LMOD3: variants seen among roughly 807,000 people sequenced by gnomAD.
The protein encoded by LMOD3 is leiomodin 3, also known as leiomodin-3.
In LMOD3, 31 loss-of-function variants were observed where a neutral mutation model predicts 41.8. The ratio of observed to expected loss-of-function variants is 0.74; its 90% CI spans 0.56 to 1.00. The LOEUF is 1.00. Among genes scored for constraint, LMOD3 ranks in the 50% least tolerant of loss-of-function variants. The pLI is 0.00. For missense variants in LMOD3, 755 were observed against 679.5 expected (o/e 1.11, Z -1.23); for synonymous variants, 292 against 241.9 (o/e 1.21, Z -1.92).
Position 69,108,988 on chromosome 3 carries a change from A to T in LMOD3, c.*107T>A. The stretch of plus-strand genomic sequence containing the variant: ...CTTATCAGATGGTAGCATTGTTTCC[A>T]GTTCTGCCACGTGGATCCTAAAGTA... On this transcript the variant is annotated 3_prime_UTR_variant, in exon 3 of 3. Coordinates refer to ENST00000420581, the MANE Select transcript of LMOD3 (RefSeq NM_198271.5). 1 of 992,898 alleles carries T rather than the reference A, an allele frequency of 1.0e-6. No homozygotes were observed. The highest frequency in any genetic ancestry group is 1.5e-6 in the Non-Finnish European group (1 of 656,526). The allele number at this position is 992,898 out of a possible 1,614,324, so 61.5% of individuals were successfully genotyped here. A position where few individuals can be genotyped will look rare whatever the true frequency, so the allele number is the denominator to read the frequency against.
rs1319708395 is a variant in LMOD3 at position 69,119,415 on chromosome 3, T to C, written c.940A>G (p.Thr314Ala). The change falls in exon 2 of 3, where the codon ACT (threonine) becomes GCT (alanine). Residue 314 changes from threonine to alanine, a missense_variant. Thr to Ala is a moderately conservative substitution (Grantham distance 58). Coordinates refer to ENST00000420581, the MANE Select transcript of LMOD3 (RefSeq NM_198271.5). ...NMLRENRSIT[T>A]LNIESNFITG... ...ATGAAATTGGACTCGATGTTGAGAG[T>C]GGTGATGCTTCTATTTTCACGCAAC... is the stretch of plus-strand genomic sequence containing the variant. 2 of 1,613,886 alleles carry C rather than the reference T, an allele frequency of 1.2e-6. No individual in the cohort carries two copies. The highest frequency in any genetic ancestry group is 2.2e-5 in the East Asian group (1 of 44,882).
intron 2 of LMOD3, among the ~76,000 whole-genome samples, chr3:69,109,632 A>G (rs2092338877): frequency 1.4e-5 from 2 of 146,840 alleles, no homozygotes; most frequent in Admixed American, 1.4e-4. Flanking sequence ...GGTTCAAGCG[A>G]TTCTCCTGCC....
In LMOD3 at chr3:69,119,050, TC is replaced by T; in HGVS notation, c.1304del (p.Gly435GlufsTer34). On this transcript the variant is annotated frameshift_variant, in exon 2 of 3. Coordinates refer to ENST00000420581, the MANE Select transcript of LMOD3 (RefSeq NM_198271.5). LOFTEE classifies it high-confidence loss of function. ...GCATTCTGGAATCTGGCTTGGGTCC[TC>T]CCAACAGCTCCCACATCCCAGGGGG... ...GLPPGMWELLGGPKPDSRMQE... is the reference protein window; with the variant it reads ...GLPPGMWELLXGPKPDSRMQE... The T allele has an allele frequency of 6.2e-7, 1 of 1,613,716 alleles. No individual in the cohort carries two copies. The highest frequency in any genetic ancestry group is 8.5e-7 in the Non-Finnish European group (1 of 1,179,844).
rs571988278 is a variant in LMOD3, at chr3:69,118,531, CA to C, written c.1656+167del. Among the ~76,000 whole-genome samples, 10 of 152,192 alleles carry C rather than the reference CA, an allele frequency of 6.6e-5. No homozygotes were observed. The East Asian group carries it at 1.9e-3, about 29-fold the overall frequency. Reference sequence around the variant, plus strand: ...CTAGAGATGGGGTGCTACAGGTGTACATCCTTAGGGATAGCAGTAATTTAGT... The same window carrying C: ...CTAGAGATGGGGTGCTACAGGTGTACTCCTTAGGGATAGCAGTAATTTAGT... On this transcript the variant is annotated intron_variant, in intron 2 of 2. Transcript: ENST00000420581.
chr3:69,120,792 A>G (rs1195073932), intron 1 of LMOD3, among the ~76,000 whole-genome samples: 1 of 152,180 alleles, frequency 6.6e-6, no homozygotes, highest in Non-Finnish European at 1.5e-5. Flanking sequence ...TGTAAGATGA[A>G]ACAGGATTAT....
chr3:69,119,116 C>A lies in LMOD3; in HGVS notation c.1239G>T (p.Gln413His). ...TCTCTAACATGGCTATCAGCTTCTT[C>A]TGTTCCTTGAGTTGCTGCTGTTTTT... ...EEQKQQQLKEQKKLIAMLENG... is the reference protein window; with the variant it reads ...EEQKQQQLKEHKKLIAMLENG... Residue 413 changes from glutamine to histidine, a missense_variant, in exon 2 of 3, where the codon CAG becomes CAT. Physicochemically the swap from Gln to His is conservative, Grantham distance 24. Transcript: ENST00000420581. 6.2e-7 allele frequency: 1 copy of A among 1,613,850 alleles called. No individual in the cohort carries two copies. The highest frequency in any genetic ancestry group is 8.5e-7 in the Non-Finnish European group (1 of 1,179,876).
Position 69,118,701 on chromosome 3 carries a change from G to T in LMOD3, c.1654C>A (p.Pro552Thr), listed in dbSNP as rs1423822655. The T allele has an allele frequency of 6.2e-7, 1 of 1,611,352 alleles. No homozygotes were observed. The highest frequency in any genetic ancestry group is 2.2e-5 in the East Asian group (1 of 44,780). ...CATTTCTCCCTCCTTCTACTTACAGGTTTAAGATAGGCGACACTGCTGTGA... is the reference window on the plus strand; with the variant it reads ...CATTTCTCCCTCCTTCTACTTACAGTTTTAAGATAGGCGACACTGCTGTGA... ...IRHSSVAYLK[P>T]VQLPKELA The change falls in exon 2 of 3, where the codon CCT becomes ACT. Residue 552 changes from proline to threonine, a missense_variant and splice_region_variant. Pro to Thr is a conservative substitution (Grantham distance 38, BLOSUM62 -1). Transcript: ENST00000420581.
intron 2 of LMOD3, among the ~76,000 whole-genome samples, chr3:69,116,623 T>A (rs2092374749): frequency 6.6e-6 from 1 of 152,198 alleles, no homozygotes; most frequent in African/African-American, 2.4e-5. Flanking sequence ...TGTCCTAGAC[T>A]CTAGACCCAA....
At position 69,119,483 on chromosome 3, in the gene LMOD3, TTGG is replaced by T; in HGVS notation, c.869_871del (p.Ala290_Asn291delinsAsp). ...TGCTACATTCTCATCTGCACCCACATTGGCTAAACTGAATGTTTTGATGTGCTT... is the reference window on the plus strand; with the variant it reads ...TGCTACATTCTCATCTGCACCCACATCTAAACTGAATGTTTTGATGTGCTT... On this transcript the variant is annotated inframe_deletion, in exon 2 of 3. Coordinates refer to ENST00000420581, the MANE Select transcript of LMOD3 (RefSeq NM_198271.5). The T allele has an allele frequency of 6.2e-7, 1 of 1,613,968 alleles. No homozygotes were observed. The highest frequency in any genetic ancestry group is 8.5e-7 in the Non-Finnish European group (1 of 1,179,874).
intron 2 of LMOD3, among the ~76,000 whole-genome samples, chr3:69,113,853 G>A (rs899475624): frequency 6.6e-6 from 1 of 152,138 alleles, no homozygotes; most frequent in African/African-American, 2.4e-5. Context: ...GAAGATGAAA[G>A]AATATCACAC....
intron 2 of LMOD3, among the ~76,000 whole-genome samples, chr3:69,114,845 A>T (rs1344629897): frequency 1.3e-5 from 2 of 151,986 alleles, no homozygotes; most frequent in Admixed American, 6.6e-5. Flanking sequence ...CAAAAGTAAT[A>T]TTTCCAAATC....
intron 1 of LMOD3, among the ~76,000 whole-genome samples, chr3:69,120,373 T>G (rs931527440): frequency 1.6e-4 from 24 of 152,086 alleles, no homozygotes; most frequent in African/African-American, 5.8e-4. Context: ...TGATTTTGTA[T>G]CTACCAAATA....
At chr3:69,109,222 A>G in intron 2 of LMOD3, 101 bp from the exon 3 acceptor site, 1 of 1,101,770 alleles carries the variant, frequency 9.1e-7, no homozygotes, top group Non-Finnish European at 1.3e-6. Flanking sequence ...AAGATACAGA[A>G]TAGGTTTGAA....
intron 2 of LMOD3, among the ~76,000 whole-genome samples, chr3:69,115,675 A>G (rs1415702671): frequency 6.6e-6 from 1 of 152,146 alleles, no homozygotes; most frequent in East Asian, 1.9e-4. Flanking sequence ...CAAATCCCCA[A>G]AACCCTTCAT....
intron 2 of LMOD3, among the ~76,000 whole-genome samples, chr3:69,111,500 G>A (rs2092350068): frequency 6.6e-6 from 1 of 152,190 alleles, no homozygotes; most frequent in Admixed American, 6.5e-5. Context: ...GGAAAAAGAA[G>A]CATTTTATAT....
intron 2 of LMOD3, among the ~76,000 whole-genome samples, chr3:69,116,740 CA>C (rs1266952530): frequency 6.6e-6 from 1 of 152,146 alleles, no homozygotes; most frequent in East Asian, 1.9e-4. Flanking sequence ...ACTATATCCC[CA>C]ATCCTTCTCA....
At chr3:69,121,069 A>AAGGG (rs1336441067) in intron 1 of LMOD3, among the ~76,000 whole-genome samples, 1 of 152,154 alleles carries the variant, frequency 6.6e-6, no homozygotes. Context: ...CCTTGACCAG[A>AAGGG]AGGGGGAGCC....
chr3:69,111,330 C>T (rs959029366), intron 2 of LMOD3, among the ~76,000 whole-genome samples: 3 of 152,206 alleles, frequency 2.0e-5, no homozygotes, highest in South Asian at 2.1e-4. Context: ...CCCTCTACCT[C>T]CCTTGTGCCA....
At chr3:69,113,062 A>G (rs2092356671) in intron 2 of LMOD3, among the ~76,000 whole-genome samples, 2 of 152,102 alleles carry the variant, frequency 1.3e-5, no homozygotes, top group African/African-American at 2.4e-5. Context: ...GCTATGATCT[A>G]TGTTTGGCTT....
Sources: allele counts gnomAD v4.1 joint callset (sites outside exome capture counted in the v4.1 genomes callset), GRCh38; gene constraint gnomAD v4.1.1; transcripts MANE v1.5; gene names NCBI Gene and HGNC (gene_info 2026-07-23, HGNC 2026-07-21).